Variants in ARID5B observed in about 807,000 individuals in gnomAD.
The protein encoded by ARID5B is AT-rich interaction domain 5B, also known as AT-rich interactive domain-containing protein 5B.
In ARID5B, 13 loss-of-function variants were observed where a neutral mutation model predicts 97.2. That is an observed-to-expected ratio of 0.13 (90% CI 0.09 to 0.21). The LOEUF (loss-of-function observed/expected upper bound fraction) is 0.21. Ranked by LOEUF, ARID5B falls within the 10% of genes least tolerant of loss-of-function variation. The pLI, the probability that ARID5B is intolerant of heterozygous loss-of-function variation, is 1.00. For missense variants in ARID5B, 1,210 were observed against 1,465.3 expected (o/e 0.83, Z 2.84); for synonymous variants, 556 against 570.3 (o/e 0.97, Z 0.36).
At chr10:62,010,117 T>C (rs1241342946) in intron 4 of ARID5B, among the ~76,000 whole-genome samples, 3 of 152,222 alleles carry the variant, frequency 2.0e-5, no homozygotes, top group African/African-American at 7.2e-5. Context: ...GGGAAGTTTC[T>C]TGGAAGAAAA....
chr10:61,925,491 C>A (rs1244840246), intron 2 of ARID5B, among the ~76,000 whole-genome samples: 2 of 151,868 alleles, frequency 1.3e-5, no homozygotes, highest in African/African-American at 4.8e-5. Flanking sequence ...TTAATTTGGC[C>A]AGAGAAAAAG....
Position 62,092,270 on chromosome 10 carries a change from G to T in ARID5B, c.2807G>T (p.Gly936Val). The T allele has an allele frequency of 1.9e-6, 3 of 1,606,618 alleles. No individual in the cohort carries two copies. The highest frequency in any genetic ancestry group is 1.7e-4 in the Middle Eastern group (1 of 6,000). Residue 936 changes from glycine (G) to valine (V), a missense_variant, in exon 10 of 10, where the codon GGC (glycine) becomes GTC (valine). Transcript: ENST00000279873. ...ACCACAGGGCCCCAGGAGAGCAAAG[G>T]CATCTCCCAGTTCCAGGTCTTAGGC... Reference protein sequence around the residue: ...HSTTGPQESKGISQFQVLGSQ... With the variant: ...HSTTGPQESKVISQFQVLGSQ...
intron 6 of ARID5B, among the ~76,000 whole-genome samples, chr10:62,057,724 C>G (rs149993578): frequency 6.6e-6 from 1 of 151,982 alleles, no homozygotes; most frequent in Non-Finnish European, 1.5e-5. Context: ...GACAAAACAA[C>G]CACAAAGGGA....
At chr10:62,022,601 G>A (rs904898754) in intron 4 of ARID5B, among the ~76,000 whole-genome samples, 7 of 152,108 alleles carry the variant, frequency 4.6e-5, no homozygotes, top group African/African-American at 1.7e-4. Flanking sequence ...ACCCTTCTAT[G>A]TGTCCACAAG....
At position 62,095,894 on chromosome 10, in the gene ARID5B, A is replaced by G. The variant is rs945909606; in HGVS notation, c.*2864A>G. 2 of 230,496 alleles carry G rather than the reference A, an allele frequency of 8.7e-6. No homozygotes were observed. Among genetic ancestry groups the G allele is most frequent in the African/African-American group, 2.2e-5 (1 of 45,164 alleles). The allele number at this position is 230,496 out of a possible 1,614,324, so 14.3% of individuals were successfully genotyped here. On this transcript the variant is annotated 3_prime_UTR_variant, in exon 10 of 10. Transcript: ENST00000279873. ...GAATTGGCAGTGGAGTCATAAATCT[A>G]TTTACTGAGTGTGGCTTCCAAGAAA... is the stretch of plus-strand genomic sequence containing the variant.
chr10:62,027,378 G>A (rs1183149749), intron 4 of ARID5B, among the ~76,000 whole-genome samples: 2 of 125,738 alleles, frequency 1.6e-5, no homozygotes, highest in African/African-American at 6.1e-5. Context: ...GCACAATCTC[G>A]GCTCACTGCA....
chr10:61,988,927 T>A (rs1564621201), intron 3 of ARID5B, among the ~76,000 whole-genome samples: 1 of 125,212 alleles, frequency 8.0e-6, no homozygotes, highest in South Asian at 2.6e-4. Flanking sequence ...AATCTTTTTT[T>A]TTCTTTTACT....
At position 62,092,605 on chromosome 10, in the gene ARID5B, G is replaced by A. The variant is rs1172094709; in HGVS notation, c.3142G>A (p.Glu1048Lys). The A allele has an allele frequency of 1.2e-6, 2 of 1,614,178 alleles. No individual in the cohort carries two copies. Among genetic ancestry groups the A allele is most frequent in the Non-Finnish European group, 1.7e-6 (2 of 1,180,018 alleles). The part of the protein sequence containing the change: ...KEVSGKEKAS[E>K]QESEGSKAAH... Reference sequence around the variant, plus strand: ...GGTCTCTGGGAAGGAGAAGGCCTCTGAGCAGGAGAGTGAAGGCAGCAAAGC... The same window carrying A: ...GGTCTCTGGGAAGGAGAAGGCCTCTAAGCAGGAGAGTGAAGGCAGCAAAGC... The change falls in exon 10 of 10, where the codon GAG (glutamate) becomes AAG (lysine). Residue 1048 changes from glutamate (E) to lysine (K), a missense_variant. Around this residue, in one of 8 missense-constraint regions of ARID5B, gnomAD observed 800 missense variants for 839.1 expected, o/e 0.95. Coordinates refer to ENST00000279873, the MANE Select transcript of ARID5B (RefSeq NM_032199.3).
At chr10:61,931,548 A>G (rs1315000557) in intron 2 of ARID5B, among the ~76,000 whole-genome samples, 1 of 152,228 alleles carries the variant, frequency 6.6e-6, no homozygotes, top group Non-Finnish European at 1.5e-5. Context: ...GAAAGACACT[A>G]TTACGAGAAT....
chr10:61,989,950 G>A (rs1036917045), intron 3 of ARID5B, among the ~76,000 whole-genome samples: 2 of 152,330 alleles, frequency 1.3e-5, no homozygotes, highest in South Asian at 2.1e-4. Context: ...GAGGATGGGT[G>A]AAGAAGGAGA....
chr10:61,938,964 A>AGTGTGTGTGTGTGTGTGT (rs60329829), intron 2 of ARID5B, among the ~76,000 whole-genome samples: 34 of 125,196 alleles, frequency 2.7e-4, no homozygotes, highest in Non-Finnish European at 5.1e-4. Context: ...GAATTGGAGA[A>AGTGTGTGTGTGTGTGTGT]GTGTGTGTGT....
chr10:61,996,885 GAAAA>G (rs199599810), intron 3 of ARID5B, among the ~76,000 whole-genome samples: 3 of 144,000 alleles, frequency 2.1e-5, no homozygotes, highest in Non-Finnish European at 3.1e-5. Flanking sequence ...TCTGACAACT[GAAAA>G]AAAAAAATAT....
chr10:62,094,147 A>G lies in ARID5B; in HGVS notation c.*1117A>G, dbSNP rs1316893146. On this transcript the variant is annotated 3_prime_UTR_variant, in exon 10 of 10. Transcript: ENST00000279873. ...GGACATATTTGTGGGCTGCACAGAT[A>G]TTTTAGGAATTTCAGAAATTAGAAC... 4.3e-6 allele frequency: 1 copy of G among 233,002 alleles called. No individual in the cohort carries two copies. 14.4% of individuals were successfully genotyped at this position (233,002 alleles called of 1,614,324 possible).
intron 2 of ARID5B, among the ~76,000 whole-genome samples, chr10:61,913,498 G>A (rs1044769074): frequency 5.9e-5 from 9 of 152,292 alleles, no homozygotes; most frequent in Admixed American, 1.3e-4. Flanking sequence ...CAGAACTAGA[G>A]AGTGACAGAA....
intron 3 of ARID5B, among the ~76,000 whole-genome samples, chr10:61,961,179 A>T (rs1048018302): frequency 6.6e-6 from 1 of 152,212 alleles, no homozygotes. Context: ...ATTTTTCTTT[A>T]AATTAATTGC....
rs1478787856 is a variant in ARID5B, at chr10:62,091,062, G to A, written c.1599G>A (p.Ala533=). 5.6e-6 allele frequency: 9 copies of A among 1,613,910 alleles called. No individual in the cohort carries two copies. The highest frequency in any genetic ancestry group is 1.3e-5 in the African/African-American group (1 of 74,990). The change falls in exon 10 of 10, where the codon GCG becomes GCA. Residue 533 remains alanine (A), a synonymous_variant. Transcript: ENST00000279873. ...GSNSEKVAEE[A]GEKGPTPPLP... ...ACAGTGAGAAGGTGGCAGAGGAGGC[G>A]GGAGAGAAGGGGCCCACACCTCCAC...
At chr10:61,911,978 G>A (rs1429641532) in intron 2 of ARID5B, among the ~76,000 whole-genome samples, 4 of 152,174 alleles carry the variant, frequency 2.6e-5, no homozygotes, top group Non-Finnish European at 5.9e-5. Flanking sequence ...ACCAAGGAGG[G>A]CAGCAGGAGT....
intron 4 of ARID5B, among the ~76,000 whole-genome samples, chr10:62,016,289 T>A (rs780775298): frequency 6.6e-6 from 1 of 152,202 alleles, no homozygotes; most frequent in Non-Finnish European, 1.5e-5. Context: ...ATACCAACAC[T>A]CTGACCCTGT....
At chr10:61,920,628 A>T (rs997414571) in intron 2 of ARID5B, among the ~76,000 whole-genome samples, 4 of 151,996 alleles carry the variant, frequency 2.6e-5, no homozygotes, top group Non-Finnish European at 5.9e-5. Flanking sequence ...GAGTAGATGG[A>T]AAAAAAAGGA....
Sources: allele counts gnomAD v4.1 joint callset (sites outside exome capture counted in the v4.1 genomes callset), GRCh38; gene constraint gnomAD v4.1.1; regional missense constraint gnomAD v4.1.1; transcripts MANE v1.5; gene names NCBI Gene and HGNC (gene_info 2026-07-23, HGNC 2026-07-21).